The following PRELID2 variants were observed in gnomAD, a reference collection of about 807,000 sequenced individuals.
PRELID2 encodes PRELI domain containing 2.
A neutral mutation model predicts 28.4 loss-of-function variants in PRELID2; 25 were observed. That is an observed-to-expected ratio of 0.88 (90% CI 0.64 to 1.23). The LOEUF (loss-of-function observed/expected upper bound fraction) is 1.23, where lower values mean the gene tolerates loss of function less well. PRELID2 is among the 50% of genes most tolerant of loss of function. PRELID2 has a pLI of 0.00. For synonymous variants in PRELID2, 76 were observed against 71.6 expected, an observed-to-expected ratio of 1.06 and a Z score of -0.31; for missense variants, 201 against 214.4, an observed-to-expected ratio of 0.94 and a Z score of 0.39.
chr5:145,377,872 G>A, the PRELID2 span, among the ~76,000 whole-genome samples: 1 of 152,122 alleles, frequency 6.6e-6, no homozygotes, highest in Admixed American at 6.6e-5. Flanking sequence ...GTATTGATAT[G>A]TGTGGATTTG....
the PRELID2 span, among the ~76,000 whole-genome samples, chr5:145,280,890 G>A: frequency 1.3e-5 from 2 of 151,894 alleles, no homozygotes; most frequent in African/African-American, 2.4e-5. Context: ...GCAAATGACA[G>A]CAACCCAAAA....
chr5:145,455,169 G>T, the PRELID2 span, among the ~76,000 whole-genome samples: 1 of 151,956 alleles, frequency 6.6e-6, no homozygotes, highest in Non-Finnish European at 1.5e-5. Context: ...TGTAAGGAAG[G>T]GGTCCAGTTT....
At position 145,747,255 on chromosome 5, in the gene PRELID2, T is replaced by TA. The variant is rs564099636; in HGVS notation, n.70+17675dup. On this transcript the variant is annotated intron_variant and non_coding_transcript_variant, in intron 1 of 2. Coordinates refer to the PRELID2 transcript ENST00000510259. ...AAAATCGATGACTCCAGGAGCTGTT[T>TA]AAAAAAAAAAAAATTAACAAAATAG... Among the ~76,000 whole-genome samples the TA allele has an allele frequency of 6.3e-3, 869 of 138,862 alleles. 7 individuals are homozygous for TA. Among genetic ancestry groups the TA allele is most frequent in the African/African-American group, 0.021 (775 of 37,728 alleles). 91.1% of individuals were successfully genotyped at this position (138,862 alleles called of 152,430 possible).
the PRELID2 span, among the ~76,000 whole-genome samples, chr5:145,277,485 A>T: frequency 3.3e-5 from 5 of 152,128 alleles, no homozygotes; most frequent in Non-Finnish European, 7.3e-5. Context: ...AGTGTTCCCG[A>T]TGATTCCATC....
At chr5:145,663,933 G>C (rs1347830982) in intron 1 of PRELID2, among the ~76,000 whole-genome samples, 1 of 152,032 alleles carries the variant, frequency 6.6e-6, no homozygotes, top group East Asian at 1.9e-4. Context: ...AGGGACATCT[G>C]TTCCTCAAGG....
At chr5:145,513,833 C>G (rs1429490025) in intron 1 of PRELID2, among the ~76,000 whole-genome samples, 1 of 152,064 alleles carries the variant, frequency 6.6e-6, no homozygotes, top group Non-Finnish European at 1.5e-5. Flanking sequence ...AGAGTGGGAG[C>G]CAACATACAA....
At chr5:145,586,871 G>C (rs1251148754) in intron 1 of PRELID2, among the ~76,000 whole-genome samples, 1 of 152,098 alleles carries the variant, frequency 6.6e-6, no homozygotes, top group Non-Finnish European at 1.5e-5. Flanking sequence ...ATGACCTTTA[G>C]ACCCATTATC....
chr5:145,684,726 GGC>G (rs1332772661), intron 1 of PRELID2, among the ~76,000 whole-genome samples: 1 of 152,162 alleles, frequency 6.6e-6, no homozygotes, highest in African/African-American at 2.4e-5. Context: ...ATCATCCTGT[GGC>G]TGTATATTCA....
At chr5:145,250,812 C>T in the PRELID2 span, among the ~76,000 whole-genome samples, 1 of 151,958 alleles carries the variant, frequency 6.6e-6, no homozygotes, top group African/African-American at 2.4e-5. Flanking sequence ...AACAAACAAA[C>T]GAATGTTAAT....
intron 4 of PRELID2, among the ~76,000 whole-genome samples, chr5:145,815,087 T>C (rs975437333): frequency 2.6e-5 from 4 of 152,204 alleles, no homozygotes; most frequent in African/African-American, 7.2e-5. Flanking sequence ...AATTAGGTTT[T>C]CATGAGGTCA....
At chr5:145,639,578 C>T (rs1031516106) in intron 1 of PRELID2, among the ~76,000 whole-genome samples, 4 of 152,106 alleles carry the variant, frequency 2.6e-5, no homozygotes, top group Non-Finnish European at 5.9e-5. Context: ...AAACATAGTA[C>T]CTCAATGTCA....
chr5:145,269,800 T>C, the PRELID2 span, among the ~76,000 whole-genome samples: 1 of 148,978 alleles, frequency 6.7e-6, no homozygotes. Flanking sequence ...TGATAGAAAT[T>C]AAGAGCCTAA....
the PRELID2 span, among the ~76,000 whole-genome samples, chr5:145,268,266 G>A: frequency 2.0e-5 from 3 of 152,128 alleles, no homozygotes; most frequent in Non-Finnish European, 2.9e-5. Context: ...TCATTTAAGA[G>A]TTTGAAGTCC....
At chr5:145,816,856 T>C (rs1175712113) in intron 4 of PRELID2, among the ~76,000 whole-genome samples, 1 of 152,108 alleles carries the variant, frequency 6.6e-6, no homozygotes, top group Non-Finnish European at 1.5e-5. Context: ...TCAATAAACC[T>C]GATATTAAAA....
intron 1 of PRELID2, among the ~76,000 whole-genome samples, chr5:145,574,170 A>G (rs1010444075): frequency 3.9e-5 from 6 of 152,164 alleles, no homozygotes; most frequent in African/African-American, 1.4e-4. Flanking sequence ...GAAGAACTCA[A>G]CCCAACTTCG....
intron 4 of PRELID2, among the ~76,000 whole-genome samples, chr5:145,803,905 A>G (rs1177550184): frequency 6.6e-6 from 1 of 152,084 alleles, no homozygotes; most frequent in African/African-American, 2.4e-5. Context: ...CAGTTTTAAC[A>G]TTCAAAGCTC....
At chr5:145,830,571 A>G (rs1161519315) in intron 1 of PRELID2, among the ~76,000 whole-genome samples, 1 of 152,242 alleles carries the variant, frequency 6.6e-6, no homozygotes, top group Non-Finnish European at 1.5e-5. Context: ...GTAAGTGATA[A>G]GAGCTAGAAA....
Position 145,758,064 on chromosome 5 carries a change from G to A in PRELID2, c.*2472C>T, listed in dbSNP as rs1488968241. Among the ~76,000 whole-genome samples the A allele has an allele frequency of 6.6e-6, 1 of 152,174 alleles. No homozygotes were observed. Among genetic ancestry groups the A allele is most frequent in the Non-Finnish European group, 1.5e-5 (1 of 68,026 alleles). ...GTTTAGGCCTGTCCTTAACACTCTG[G>A]AAGCAGAGGCTAAAAACTACTGGCT... On this transcript the variant is annotated 3_prime_UTR_variant, in exon 7 of 7. Coordinates refer to ENST00000683046, the MANE Select transcript of PRELID2 (RefSeq NM_205846.3).
chr5:145,686,619 A>C (rs961741602), intron 1 of PRELID2, among the ~76,000 whole-genome samples: 1 of 152,214 alleles, frequency 6.6e-6, no homozygotes, highest in Non-Finnish European at 1.5e-5. Flanking sequence ...TTTTTAAAAC[A>C]ACATCTGGAC....
Sources: gnomAD v4.1 joint callset for allele counts (sites outside exome capture counted in the v4.1 genomes callset) on GRCh38, gnomAD v4.1.1 for gene constraint, MANE v1.5 for transcripts, NCBI Gene and HGNC (gene_info 2026-07-23, HGNC 2026-07-21) for gene names.